The following SLC24A2 variants were observed in gnomAD, a reference collection of about 807,000 sequenced individuals.
SLC24A2 encodes sodium/potassium/calcium exchanger 2.
In SLC24A2, 36 loss-of-function variants were observed where a neutral mutation model predicts 62.0. The ratio of observed to expected loss-of-function variants is 0.58; its 90% confidence interval spans 0.44 to 0.77. The LOEUF (loss-of-function observed/expected upper bound fraction) is 0.77, where lower values mean the gene tolerates loss of function less well. Among genes scored for constraint, SLC24A2 ranks in the 30% least tolerant of loss-of-function variants. SLC24A2 has a pLI of 0.00. For synonymous variants in SLC24A2, 358 were observed against 294.0 expected, an observed-to-expected ratio of 1.22 and a Z score of -2.23; for missense variants, 846 against 817.9, an observed-to-expected ratio of 1.03 and a Z score of -0.42.
At chr9:20,163,515 A>T in the SLC24A2 span, among the ~76,000 whole-genome samples, 1 of 152,210 alleles carries the variant, frequency 6.6e-6, no homozygotes, top group African/African-American at 2.4e-5. Flanking sequence ...TTCCATGCTC[A>T]TGGGTAGGAA....
the SLC24A2 span, among the ~76,000 whole-genome samples, chr9:20,299,419 T>G: frequency 6.6e-6 from 1 of 152,160 alleles, no homozygotes; most frequent in African/African-American, 2.4e-5. Flanking sequence ...GGCTCTGGAA[T>G]GAAGTGAATC....
chr9:19,722,627 G>T (rs374898272), intron 2 of SLC24A2, among the ~76,000 whole-genome samples: 1 of 146,902 alleles, frequency 6.8e-6, no homozygotes, highest in Non-Finnish European at 1.5e-5. Context: ...ATGTGAATTA[G>T]GTTCTCTGGG....
intron 2 of SLC24A2, among the ~76,000 whole-genome samples, chr9:19,722,797 A>G (rs1376469255): frequency 6.6e-6 from 1 of 152,140 alleles, no homozygotes; most frequent in Non-Finnish European, 1.5e-5. Context: ...ATCTTAGCAC[A>G]TATGTATTGT....
chr9:20,225,236 T>C, the SLC24A2 span, among the ~76,000 whole-genome samples: 37 of 152,040 alleles, frequency 2.4e-4, no homozygotes, highest in Admixed American at 8.5e-4. Context: ...TTTGAATGCT[T>C]CTGCTCTAGG....
the SLC24A2 span, among the ~76,000 whole-genome samples, chr9:20,019,296 A>AAAGAAAGAAAGAAAGAAAGG: frequency 4.0e-5 from 6 of 150,076 alleles, no homozygotes; most frequent in African/African-American, 1.3e-4. Context: ...AGAAAGAAAG[A>AAAGAAAGAAAGAAAGAAAGG]AAGAAAGAAA....
the SLC24A2 span, among the ~76,000 whole-genome samples, chr9:20,058,852 C>T: frequency 1.3e-5 from 2 of 152,160 alleles, no homozygotes; most frequent in Admixed American, 1.3e-4. Flanking sequence ...AGTTGAGTCC[C>T]CCTTTTATTC....
At chr9:19,654,408 C>T (rs1818885113) in intron 2 of SLC24A2, among the ~76,000 whole-genome samples, 1 of 152,124 alleles carries the variant, frequency 6.6e-6, no homozygotes, top group African/African-American at 2.4e-5. Context: ...GTGTGAGAGA[C>T]CATGACTTTT....
the SLC24A2 span, among the ~76,000 whole-genome samples, chr9:20,217,723 T>A: frequency 1.3e-5 from 2 of 152,190 alleles, no homozygotes; most frequent in Admixed American, 6.5e-5. Flanking sequence ...ATACTACTGC[T>A]TTCCAGATTG....
chr9:19,709,917 A>G (rs1259351606), intron 2 of SLC24A2, among the ~76,000 whole-genome samples: 4 of 152,034 alleles, frequency 2.6e-5, no homozygotes. Flanking sequence ...AAAATAAAAT[A>G]AAAAAAGAAA....
In SLC24A2 at chr9:19,595,493, A is replaced by G. The variant is rs186211288; in HGVS notation, c.1129+1736T>C. ...AGGGTGACCCAGGGAGGGCCCCCAA[A>G]CACAATTTGACAGTTTTGCTCAGGG... is the stretch of plus-strand genomic sequence containing the variant. On this transcript the variant is annotated intron_variant, in intron 5 of 10. Transcript: ENST00000341998. 3.0e-3 allele frequency among the ~76,000 whole-genome samples: 462 copies of G among 152,274 alleles called. 3 individuals are homozygous for G. The highest frequency in any genetic ancestry group is 0.011 in the African/African-American group (449 of 41,556).
At chr9:19,956,113 T>G in the SLC24A2 span, among the ~76,000 whole-genome samples, 1 of 152,198 alleles carries the variant, frequency 6.6e-6, no homozygotes, top group Non-Finnish European at 1.5e-5. Context: ...GAGTCCAGTT[T>G]CAGCAAAGAT....
At chr9:19,549,382 C>A (rs1402608800) in intron 8 of SLC24A2, among the ~76,000 whole-genome samples, 1 of 152,112 alleles carries the variant, frequency 6.6e-6, no homozygotes, top group Non-Finnish European at 1.5e-5. Context: ...TGTTTCCTCC[C>A]CCTTTAATCA....
At chr9:19,965,045 C>G in the SLC24A2 span, among the ~76,000 whole-genome samples, 1 of 151,842 alleles carries the variant, frequency 6.6e-6, no homozygotes, top group African/African-American at 2.4e-5. Flanking sequence ...CCAGCTCCCA[C>G]GATCGTGTAG....
chr9:20,043,720 A>G, the SLC24A2 span, among the ~76,000 whole-genome samples: 1 of 152,252 alleles, frequency 6.6e-6, no homozygotes, highest in African/African-American at 2.4e-5. Context: ...ACTTGAACAG[A>G]TAAGGAATTG....
chr9:19,829,393 A>G, the SLC24A2 span, among the ~76,000 whole-genome samples: 1 of 152,184 alleles, frequency 6.6e-6, no homozygotes, highest in Non-Finnish European at 1.5e-5. Context: ...TTGCTATTGA[A>G]GAGCATCTGA....
intron 2 of SLC24A2, among the ~76,000 whole-genome samples, chr9:19,666,397 C>T (rs1293244332): frequency 1.3e-5 from 2 of 152,090 alleles, no homozygotes; most frequent in Non-Finnish European, 2.9e-5. Flanking sequence ...CAAAGTGAGA[C>T]ACTGTTTTAA....
the SLC24A2 span, among the ~76,000 whole-genome samples, chr9:20,031,229 C>CAG: frequency 5.2e-3 from 777 of 149,330 alleles, 5 homozygotes; most frequent in African/African-American, 0.017. Context: ...CACACACACC[C>CAG]TGTGTGTGTG....
intron 2 of SLC24A2, among the ~76,000 whole-genome samples, chr9:19,719,032 G>A (rs759628512): frequency 6.6e-6 from 1 of 152,170 alleles, no homozygotes; most frequent in African/African-American, 2.4e-5. Flanking sequence ...CTTTGTAAAA[G>A]GAGTCTCAGT....
chr9:19,844,959 C>CTA, the SLC24A2 span, among the ~76,000 whole-genome samples: 1 of 144,978 alleles, frequency 6.9e-6, no homozygotes, highest in East Asian at 2.0e-4. Flanking sequence ...ATGCCTCTGG[C>CTA]TTTTTTTTTT....
Sources: gnomAD v4.1 joint callset for allele counts (sites outside exome capture counted in the v4.1 genomes callset) on GRCh38, gnomAD v4.1.1 for gene constraint, MANE v1.5 for transcripts, NCBI Gene and HGNC (gene_info 2026-07-23, HGNC 2026-07-21) for gene names.